CACNG5: variants seen among roughly 807,000 people sequenced by gnomAD.
CACNG5 encodes the protein voltage-dependent calcium channel gamma-5 subunit.
A neutral mutation model predicts 24.8 loss-of-function variants in CACNG5; 18 were observed. The observed-to-expected ratio is 0.73, with a 90% CI of 0.50 to 1.08. CACNG5 has a LOEUF of 1.08. CACNG5 is among the 50% of genes least tolerant of loss of function. The pLI is 0.00. For missense variants in CACNG5, 349 were observed against 367.9 expected, an observed-to-expected ratio of 0.95 and a Z score of 0.42; for synonymous variants, 157 against 149.1, an observed-to-expected ratio of 1.05 and a Z score of -0.39.
Position 66,894,114 on chromosome 17 carries a change from C to A in CACNG5, c.*8874C>A, listed in dbSNP as rs1010199177. Among the ~76,000 whole-genome samples the A allele has an allele frequency of 1.3e-5, 2 of 152,118 alleles. No homozygotes were observed. The highest frequency in any genetic ancestry group is 2.9e-5 in the Non-Finnish European group (2 of 68,016). ...CACCATCCCGCCACCCCTCTCAGGC[C>A]CTGCCAAGGACTCTGCTCACTGCTG... On this transcript the variant is annotated 3_prime_UTR_variant, in exon 6 of 6. Transcript: ENST00000533854.
rs767564676 is a variant in CACNG5, at chr17:66,884,511, A to G, written c.425-5A>G. On this transcript the variant is annotated splice_region_variant and splice_polypyrimidine_tract_variant and intron_variant, in intron 4 of 5. Transcript: ENST00000533854. The stretch of plus-strand genomic sequence containing the variant: ...AGCATCCCCTCTCCCCTGCTGCCCA[A>G]CCAGGCCTCTCTCTCGTGGTGGGCC... The G allele has an allele frequency of 5.6e-6, 9 of 1,604,040 alleles. No individual in the cohort carries two copies. The East Asian group carries it at 1.6e-4, about 28-fold the overall frequency.
chr17:66,837,105 A>G (rs750595226), intron 1 of CACNG5, among the ~76,000 whole-genome samples: 8 of 152,206 alleles, frequency 5.3e-5, no homozygotes, highest in Non-Finnish European at 8.8e-5. Context: ...GGTTTTGAGA[A>G]TCAAGTAAGG....
rs1402411988 is a variant in CACNG5 at position 66,891,233 on chromosome 17, G to T, written c.*5993G>T. Among the ~76,000 whole-genome samples the T allele has an allele frequency of 6.6e-6, 1 of 152,158 alleles. No homozygotes were observed. The highest frequency in any genetic ancestry group is 1.5e-5 in the Non-Finnish European group (1 of 68,032). ...CTCATTGGCCAAAACCAAGTCACATGCCCATTCCTAAACCACAATCTGGCA... is the reference window on the plus strand; with the variant it reads ...CTCATTGGCCAAAACCAAGTCACATTCCCATTCCTAAACCACAATCTGGCA... On this transcript the variant is annotated 3_prime_UTR_variant, in exon 6 of 6. Coordinates refer to ENST00000533854, the MANE Select transcript of CACNG5 (RefSeq NM_145811.3).
intron 2 of CACNG5, 46 bp from the exon 3 acceptor site, chr17:66,878,926 A>G (rs777542010): frequency 1.4e-6 from 2 of 1,476,590 alleles, no homozygotes; most frequent in Non-Finnish European, 1.9e-6. Flanking sequence ...CCAACTTCAA[A>G]TCCATGTTCA....
At chr17:66,838,169 C>T (rs1351146738) in intron 1 of CACNG5, among the ~76,000 whole-genome samples, 2 of 151,644 alleles carry the variant, frequency 1.3e-5, no homozygotes, top group Admixed American at 1.3e-4. Flanking sequence ...TTTGTTAGGT[C>T]AGCAAAATGA....
intron 1 of CACNG5, among the ~76,000 whole-genome samples, chr17:66,864,861 G>T (rs1976909324): frequency 6.6e-6 from 1 of 152,146 alleles, no homozygotes; most frequent in South Asian, 2.1e-4. Flanking sequence ...AAGAAGAGTT[G>T]ATATTTTTAC....
At chr17:66,875,686 T>C (rs1030937905) in intron 1 of CACNG5, among the ~76,000 whole-genome samples, 1 of 152,208 alleles carries the variant, frequency 6.6e-6, no homozygotes, top group Non-Finnish European at 1.5e-5. Flanking sequence ...GCCCTAGGAC[T>C]CCACTGGAGC....
At position 66,891,055 on chromosome 17, in the gene CACNG5, C is replaced by T. The variant is rs1209763278; in HGVS notation, c.*5815C>T. On this transcript the variant is annotated 3_prime_UTR_variant, in exon 6 of 6. Transcript: ENST00000533854. ...GGCAGAATTCTGCTGCCTTTATCCACGAGTGGGTAGCAAGATGGCAACAGT... is the reference window on the plus strand; with the variant it reads ...GGCAGAATTCTGCTGCCTTTATCCATGAGTGGGTAGCAAGATGGCAACAGT... Among the ~76,000 whole-genome samples, 2 of 152,152 alleles carry T rather than the reference C, an allele frequency of 1.3e-5. No homozygotes were observed. Among genetic ancestry groups the T allele is most frequent in the African/African-American group, 2.4e-5 (1 of 41,432 alleles).
intron 1 of CACNG5, among the ~76,000 whole-genome samples, chr17:66,867,281 T>A (rs1172136336): frequency 1.3e-5 from 2 of 152,248 alleles, no homozygotes; most frequent in Admixed American, 6.5e-5. Context: ...TTGAGAAGCA[T>A]CTGTTCATGT....
chr17:66,860,135 C>T (rs1976833656), intron 1 of CACNG5, among the ~76,000 whole-genome samples: 1 of 152,168 alleles, frequency 6.6e-6, no homozygotes, highest in African/African-American at 2.4e-5. Flanking sequence ...CTTACCTATG[C>T]AACCCCACGA....
At chr17:66,857,410 G>A (rs1226269124) in intron 1 of CACNG5, among the ~76,000 whole-genome samples, 1 of 152,056 alleles carries the variant, frequency 6.6e-6, no homozygotes, top group Non-Finnish European at 1.5e-5. Flanking sequence ...TGTAATGCAA[G>A]CCACATGATG....
chr17:66,875,821 G>A (rs749374305), intron 1 of CACNG5, among the ~76,000 whole-genome samples: 7 of 152,230 alleles, frequency 4.6e-5, no homozygotes, highest in Non-Finnish European at 7.3e-5. Context: ...CGACAGGATA[G>A]CAAACTTGCA....
chr17:66,849,298 G>A (rs1568063151), intron 1 of CACNG5, among the ~76,000 whole-genome samples: 1 of 152,048 alleles, frequency 6.6e-6, no homozygotes, highest in Non-Finnish European at 1.5e-5. Flanking sequence ...TGAGGCACCC[G>A]GGGTTGGGGG....
intron 4 of CACNG5, among the ~76,000 whole-genome samples, chr17:66,880,926 A>T (rs927775799): frequency 3.3e-5 from 5 of 152,118 alleles, no homozygotes; most frequent in Non-Finnish European, 5.9e-5. Context: ...TTTAGTAAAG[A>T]TGGGGTTTTT....
At chr17:66,854,425 C>CAA (rs144721321) in intron 1 of CACNG5, among the ~76,000 whole-genome samples, 12 of 124,232 alleles carry the variant, frequency 9.7e-5, no homozygotes, top group African/African-American at 2.7e-4. Flanking sequence ...GACTCCAACT[C>CAA]AAAAAAAAAA....
At chr17:66,836,126 G>C (rs967871053) in intron 1 of CACNG5, among the ~76,000 whole-genome samples, 8 of 152,140 alleles carry the variant, frequency 5.3e-5, no homozygotes, top group Non-Finnish European at 1.0e-4. Context: ...GGCTGCCTCC[G>C]GTACCTGCCA....
At chr17:66,875,261 C>G (rs1420721634) in intron 1 of CACNG5, among the ~76,000 whole-genome samples, 1 of 152,174 alleles carries the variant, frequency 6.6e-6, no homozygotes, top group South Asian at 2.1e-4. Flanking sequence ...TCTGCCCACG[C>G]TGTTGCATGG....
chr17:66,865,460 C>G (rs2143084458), intron 1 of CACNG5, among the ~76,000 whole-genome samples: 1 of 152,204 alleles, frequency 6.6e-6, no homozygotes, highest in South Asian at 2.1e-4. Context: ...GTAGCTACAG[C>G]AAACAGAGCT....
intron 1 of CACNG5, among the ~76,000 whole-genome samples, chr17:66,865,621 C>T (rs1455604820): frequency 1.4e-5 from 2 of 138,628 alleles, no homozygotes; most frequent in East Asian, 4.5e-4. Flanking sequence ...CAAATCAAGT[C>T]TGACAAAATT....
Sources: allele counts gnomAD v4.1 joint callset (sites outside exome capture counted in the v4.1 genomes callset), GRCh38; gene constraint gnomAD v4.1.1; transcripts MANE v1.5; gene names NCBI Gene and HGNC (gene_info 2026-07-23, HGNC 2026-07-21).